ELF3: variants seen among roughly 807,000 people sequenced by gnomAD.
The protein encoded by ELF3 is ETS-related transcription factor Elf-3.
In ELF3, 18 loss-of-function variants were observed where a neutral mutation model predicts 43.9. The observed-to-expected ratio is 0.41, with a 90% CI of 0.28 to 0.61. The LOEUF (loss-of-function observed/expected upper bound fraction) is 0.61. Ranked by LOEUF, ELF3 falls within the 20% of genes least tolerant of loss-of-function variation. The probability of loss-of-function intolerance (pLI) is 0.30; values close to 1 mark genes in which losing one functional copy is unlikely to be tolerated. For synonymous variants in ELF3, 181 were observed against 190.2 expected (o/e 0.95, Z 0.40); for missense variants, 373 against 487.7 (o/e 0.76, Z 2.21).
At chr1:202,015,060 G>A in intron 8 of ELF3, 149 bp from the exon 9 acceptor site, 1 of 678,438 alleles carries the variant, frequency 1.5e-6, no homozygotes, top group Non-Finnish European at 2.6e-6. Context: ...GAACAGAGGA[G>A]TTTAGGAAGT....
Position 202,012,728 on chromosome 1 carries a change from CT to C in ELF3, c.568del (p.Ser190ProfsTer64). On this transcript the variant is annotated frameshift_variant, in exon 5 of 9. Transcript: ENST00000367284. LOFTEE classifies it high-confidence loss of function. The surrounding 1 kb of genome is among the most constrained non-coding windows in gnomAD (Gnocchi z 4.2). ...CCGGCAGCTGTGGCGCAGGAGCCCC[CT>C]CCCCTGGCAGCTCTGACGTCTCCAC... ...HPGSCGAGAPSPGSSDVSTAG... is the reference protein window; with the variant it reads ...HPGSCGAGAPXPGSSDVSTAG... 1 of 1,594,130 alleles carries C rather than the reference CT, an allele frequency of 6.3e-7. No homozygotes were observed. The highest frequency in any genetic ancestry group is 8.5e-7 in the Non-Finnish European group (1 of 1,171,052).
At position 202,015,249 on chromosome 1, in the gene ELF3, C is replaced by G. The variant is rs917623772; in HGVS notation, c.1042C>G (p.Arg348Gly). Residue 348 changes from arginine to glycine, a missense_variant, in exon 9 of 9, where the codon CGG (arginine) becomes GGG (glycine). Arg to Gly is a moderately radical substitution (Grantham distance 125). This residue lies in a region of ELF3 where 61 missense variants were observed against 115.9 expected (regional missense o/e 0.53). Transcript: ENST00000367284. Reference protein sequence around the residue: ...KREILERVDGRRLVYKFGKNS... With the variant: ...KREILERVDGGRLVYKFGKNS... ...GGAGATCCTGGAACGGGTGGATGGC[C>G]GGCGACTCGTCTACAAGTTTGGCAA... 1.9e-6 allele frequency: 3 copies of G among 1,613,914 alleles called. No individual in the cohort carries two copies. The highest frequency in any genetic ancestry group is 2.5e-6 in the Non-Finnish European group (3 of 1,180,024).
In ELF3 at chr1:202,015,253, G is replaced by A. The variant is rs780431767; in HGVS notation, c.1046G>A (p.Arg349Gln). 1.9e-6 allele frequency: 3 copies of A among 1,614,080 alleles called. No individual in the cohort carries two copies. The highest frequency in any genetic ancestry group is 2.5e-6 in the Non-Finnish European group (3 of 1,180,036). Reference protein sequence around the residue: ...REILERVDGRRLVYKFGKNSS... With the variant: ...REILERVDGRQLVYKFGKNSS... ...ATCCTGGAACGGGTGGATGGCCGGCGACTCGTCTACAAGTTTGGCAAAAAC... is the reference window on the plus strand; with the variant it reads ...ATCCTGGAACGGGTGGATGGCCGGCAACTCGTCTACAAGTTTGGCAAAAAC... Residue 349 changes from arginine to glutamine, a missense_variant, in exon 9 of 9, where the codon CGA (arginine) becomes CAA (glutamine). Arg to Gln is a conservative substitution (Grantham distance 43). Around this residue, in one of 3 missense-constraint regions of ELF3, gnomAD observed 61 missense variants for 115.9 expected, o/e 0.53. Coordinates refer to ENST00000367284, the MANE Select transcript of ELF3 (RefSeq NM_004433.5).
At position 202,012,624 on chromosome 1, in the gene ELF3, C is replaced by T. The variant is rs1387353288; in HGVS notation, c.479-16C>T. On this transcript the variant is annotated splice_polypyrimidine_tract_variant and intron_variant, in intron 4 of 8. Coordinates refer to ENST00000367284, the MANE Select transcript of ELF3 (RefSeq NM_004433.5). The surrounding 1 kb of genome is among the most constrained non-coding windows in gnomAD (Gnocchi z 4.2). ...GTCCCCTGAGCCCTCTCTGAGTTCT[C>T]ACCTCCTCTTCCCAGACCAGGGCAG... 6.4e-7 allele frequency: 1 copy of T among 1,572,702 alleles called. No individual in the cohort carries two copies. The highest frequency in any genetic ancestry group is 8.6e-7 in the Non-Finnish European group (1 of 1,158,646).
At position 202,012,789 on chromosome 1, in the gene ELF3, C is replaced by A; in HGVS notation, c.598+30C>A. 1 of 1,538,926 alleles carries A rather than the reference C, an allele frequency of 6.5e-7. No homozygotes were observed. On this transcript the variant is annotated intron_variant, in intron 5 of 8. Coordinates refer to ENST00000367284, the MANE Select transcript of ELF3 (RefSeq NM_004433.5). The surrounding 1 kb of genome is among the most constrained non-coding windows in gnomAD (Gnocchi z 4.2). The stretch of plus-strand genomic sequence containing the variant: ...GAGCTCTCTCTGGGCCACAACCTCC[C>A]TTCCCCGAAGTGTCCCTTGTTCCCT...
At position 202,013,258 on chromosome 1, in the gene ELF3, A is replaced by G; in HGVS notation, c.765A>G (p.Lys255=). Residue 255 remains lysine, a synonymous_variant, in exon 7 of 9, where the codon AAA becomes AAG. Transcript: ENST00000367284. This position sits in a 1 kb window ranked among gnomAD's most constrained non-coding sequence, Gnocchi z 5.7. ...RKRGRPRKLS[K]EYWDCLEGKK... ...GAGGCCGGCCCCGAAAGCTGAGCAA[A>G]GAGTACTGGGACTGTCTCGAGGGCA... The G allele has an allele frequency of 6.2e-7, 1 of 1,614,170 alleles. No individual in the cohort carries two copies. The highest frequency in any genetic ancestry group is 8.5e-7 in the Non-Finnish European group (1 of 1,180,034).
chr1:202,012,150 C>T lies in ELF3; in HGVS notation c.357C>T (p.Asp119=). Residue 119 remains aspartate (D), a synonymous_variant, in exon 3 of 9, where the codon GAC becomes GAT. Coordinates refer to ENST00000367284, the MANE Select transcript of ELF3 (RefSeq NM_004433.5). The surrounding 1 kb of genome is among the most constrained non-coding windows in gnomAD (Gnocchi z 4.2). ...ELRLVFGPLG[D]QLHAQLRDLT... Reference sequence around the variant, plus strand: ...GTCTGGTCTTTGGGCCTCTGGGGGACCAACTCCATGCCCAGCTGCGAGACC... The same window carrying T: ...GTCTGGTCTTTGGGCCTCTGGGGGATCAACTCCATGCCCAGCTGCGAGACC... 6.2e-7 allele frequency: 1 copy of T among 1,613,644 alleles called. No homozygotes were observed. The highest frequency in any genetic ancestry group is 1.1e-5 in the South Asian group (1 of 91,048).
intron 8 of ELF3, 88 bp from the exon 9 acceptor site, chr1:202,015,121 T>G: frequency 1.5e-6 from 2 of 1,358,710 alleles, no homozygotes; most frequent in Non-Finnish European, 2.1e-6. Flanking sequence ...ATGGGTTACC[T>G]GGGGGTAACG....
chr1:202,012,715 G>T lies in ELF3; in HGVS notation c.554G>T (p.Gly185Val). Residue 185 changes from glycine (G) to valine (V), a missense_variant, in exon 5 of 9, where the codon GGC becomes GTC. By Grantham distance (109) the Gly-to-Val change is moderately radical (BLOSUM62 -3). Transcript: ENST00000367284. This position sits in a 1 kb window ranked among gnomAD's most constrained non-coding sequence, Gnocchi z 4.2. ...QASPYHPGSC[G>V]AGAPSPGSSD... ...AGCCCCTACCACCCCGGCAGCTGTGGCGCAGGAGCCCCCTCCCCTGGCAGC... is the reference window on the plus strand; with the variant it reads ...AGCCCCTACCACCCCGGCAGCTGTGTCGCAGGAGCCCCCTCCCCTGGCAGC... 6.2e-7 allele frequency: 1 copy of T among 1,604,240 alleles called. No individual in the cohort carries two copies. Among genetic ancestry groups the T allele is most frequent in the South Asian group, 1.1e-5 (1 of 90,054 alleles).
Position 202,015,227 on chromosome 1 carries a change from G to C in ELF3, c.1020G>C (p.Glu340Asp). 6.2e-7 allele frequency: 1 copy of C among 1,614,102 alleles called. No homozygotes were observed. Among genetic ancestry groups the C allele is most frequent in the Non-Finnish European group, 8.5e-7 (1 of 1,180,030 alleles). ...CACCCAGGTACTACTACAAACGGGA[G>C]ATCCTGGAACGGGTGGATGGCCGGC... Reference protein sequence around the residue: ...SRAMRYYYKREILERVDGRRL... With the variant: ...SRAMRYYYKRDILERVDGRRL... Residue 340 changes from glutamate (E) to aspartate (D), a missense_variant, in exon 9 of 9, where the codon GAG becomes GAC. Physicochemically the swap from Glu to Asp is conservative, Grantham distance 45 (BLOSUM62 2). This residue lies in a region of ELF3 where 61 missense variants were observed against 115.9 expected (regional missense o/e 0.53). Transcript: ENST00000367284.
Position 202,013,419 on chromosome 1 carries a change from G to A in ELF3, c.805+121G>A. ...CTGGCCTCCGCATGGCCTTTGGTAA[G>A]GCTGTGCACAAGCTGGGGGCTCTAT... On this transcript the variant is annotated intron_variant, in intron 7 of 8. Coordinates refer to ENST00000367284, the MANE Select transcript of ELF3 (RefSeq NM_004433.5). The surrounding 1 kb of genome is among the most constrained non-coding windows in gnomAD (Gnocchi z 5.7). 3.0e-6 allele frequency: 3 copies of A among 1,003,458 alleles called. No homozygotes were observed. The South Asian group carries it at 4.6e-5, about 15-fold the overall frequency. The allele number at this position is 1,003,458 out of a possible 1,614,324, so 62.2% of individuals were successfully genotyped here.
chr1:202,012,894 T>C lies in ELF3; in HGVS notation c.599-53T>C. On this transcript the variant is annotated intron_variant, in intron 5 of 8. Transcript: ENST00000367284. The surrounding 1 kb of genome is among the most constrained non-coding windows in gnomAD (Gnocchi z 4.2). The stretch of plus-strand genomic sequence containing the variant: ...AAGTGTGTCCTGAGAGCCAGCAGCG[T>C]GGTTGAGCAGAGGGTGGGCCGGCAG... 1 of 1,573,388 alleles carries C rather than the reference T, an allele frequency of 6.4e-7. No homozygotes were observed. The highest frequency in any genetic ancestry group is 8.6e-7 in the Non-Finnish European group (1 of 1,161,516).
chr1:202,013,121 G>A lies in ELF3; in HGVS notation c.689-61G>A, dbSNP rs1684244390. 1.9e-6 allele frequency: 3 copies of A among 1,604,756 alleles called. No homozygotes were observed. The South Asian group carries it at 3.3e-5, about 18-fold the overall frequency. ...TCTTCCTGCAGCCTTTTCCTGTAGA[G>A]GGGCTACTCTCCCTAACTCCCCTCT... On this transcript the variant is annotated intron_variant, in intron 6 of 8. Transcript: ENST00000367284. The surrounding 1 kb of genome is among the most constrained non-coding windows in gnomAD (Gnocchi z 5.7).
Position 202,015,686 on chromosome 1 carries a change from G to A in ELF3, c.*363G>A, listed in dbSNP as rs1684296013. ...GGAGGCCTGGGGAGGCCCTAGGGGAGCACCGTGATGGAGAGGACAGAGCAG... is the reference window on the plus strand; with the variant it reads ...GGAGGCCTGGGGAGGCCCTAGGGGAACACCGTGATGGAGAGGACAGAGCAG... On this transcript the variant is annotated 3_prime_UTR_variant, in exon 9 of 9. Transcript: ENST00000367284. 2 of 258,846 alleles carry A rather than the reference G, an allele frequency of 7.7e-6. No homozygotes were observed. Among genetic ancestry groups the A allele is most frequent in the Non-Finnish European group, 1.5e-5 (2 of 130,092 alleles). The allele number at this position is 258,846 out of a possible 1,614,324, so 16.0% of individuals were successfully genotyped here. A position where few individuals can be genotyped will look rare whatever the true frequency, so the allele number is the denominator to read the frequency against.
At position 202,011,392 on chromosome 1, in the gene ELF3, G is replaced by T. The variant is rs554728692; in HGVS notation, c.163+93G>T. On this transcript the variant is annotated intron_variant, in intron 2 of 8. Transcript: ENST00000367284. ...AATGGGGGAATAGGCAGGGAGGAGG[G>T]TCTCTAGGCAAATTCCAGGGCTAGA... is the stretch of plus-strand genomic sequence containing the variant. 8.3e-6 allele frequency: 12 copies of T among 1,446,038 alleles called. No homozygotes were observed. The Admixed American group carries it at 3.1e-4, about 37-fold the overall frequency. The allele number at this position is 1,446,038 out of a possible 1,614,324, so 89.6% of individuals were successfully genotyped here. A position where few individuals can be genotyped will look rare whatever the true frequency, so the allele number is the denominator to read the frequency against.
Position 202,011,947 on chromosome 1 carries a change from G to A in ELF3, c.164-10G>A. 6.2e-7 allele frequency: 1 copy of A among 1,613,014 alleles called. No individual in the cohort carries two copies. Among genetic ancestry groups the A allele is most frequent in the South Asian group, 1.1e-5 (1 of 91,070 alleles). On this transcript the variant is annotated splice_polypyrimidine_tract_variant and intron_variant, in intron 2 of 8. Coordinates refer to ENST00000367284, the MANE Select transcript of ELF3 (RefSeq NM_004433.5). ...TGAGCTGAGCCTGTTTCCCTGCCTG[G>A]CCCTTGCAGAGAAGGCCAGCTGGTT...
Position 202,013,176 on chromosome 1 carries a change from C to G in ELF3, c.689-6C>G. ...CCTCCTTGACCTTCCACCACCGTCC[C>G]CACAGATGGTTTTCGTGACTGCAAG... On this transcript the variant is annotated splice_polypyrimidine_tract_variant and splice_region_variant and intron_variant, in intron 6 of 8. Coordinates refer to ENST00000367284, the MANE Select transcript of ELF3 (RefSeq NM_004433.5). The surrounding 1 kb of genome is among the most constrained non-coding windows in gnomAD (Gnocchi z 5.7). 1.2e-6 allele frequency: 2 copies of G among 1,614,038 alleles called. No individual in the cohort carries two copies. The highest frequency in any genetic ancestry group is 2.2e-5 in the East Asian group (1 of 44,864).
At position 202,013,357 on chromosome 1, in the gene ELF3, C is replaced by T. The variant is rs1003460706; in HGVS notation, c.805+59C>T. 1.3e-6 allele frequency: 2 copies of T among 1,546,368 alleles called. No homozygotes were observed. The highest frequency in any genetic ancestry group is 2.7e-5 in the African/African-American group (2 of 73,322). ...CCGGGCTGAGCGGCTTCCTGGGGCA[C>T]TGCGGGTTGTTGCAGGTATCCCTTC... is the stretch of plus-strand genomic sequence containing the variant. On this transcript the variant is annotated intron_variant, in intron 7 of 8. Coordinates refer to ENST00000367284, the MANE Select transcript of ELF3 (RefSeq NM_004433.5). This position sits in a 1 kb window ranked among gnomAD's most constrained non-coding sequence, Gnocchi z 5.7.
At position 202,010,841 on chromosome 1, in the gene ELF3, A is replaced by T; in HGVS notation, c.-9+135A>T. 2.6e-6 allele frequency: 1 copy of T among 388,050 alleles called. No homozygotes were observed. Among genetic ancestry groups the T allele is most frequent in the East Asian group, 6.3e-5 (1 of 15,784 alleles). The allele number at this position is 388,050 out of a possible 1,614,324, so 24.0% of individuals were successfully genotyped here. A position where few individuals can be genotyped will look rare whatever the true frequency, so the allele number is the denominator to read the frequency against. ...AGAGCGTAGGTGTCCTGAGGGTCAA[A>T]GAACAGAGAGAGATTGTCTCTGGGA... is the stretch of plus-strand genomic sequence containing the variant. On this transcript the variant is annotated intron_variant, in intron 1 of 8. Coordinates refer to ENST00000367284, the MANE Select transcript of ELF3 (RefSeq NM_004433.5). The surrounding 1 kb of genome is among the most constrained non-coding windows in gnomAD (Gnocchi z 4.3).
Sources: allele counts gnomAD v4.1 joint callset, GRCh38; gene constraint gnomAD v4.1.1; regional missense constraint gnomAD v4.1.1; non-coding constraint Gnocchi (gnomAD v3.1); transcripts MANE v1.5; gene names NCBI Gene and HGNC (gene_info 2026-07-23, HGNC 2026-07-21).